Variants in CATSPERE observed in about 807,000 individuals in gnomAD.
CATSPERE encodes the protein catsper channel auxiliary subunit epsilon, also known as cation channel sperm-associated auxiliary subunit epsilon.
Under a neutral mutation model 114.1 loss-of-function variants are expected in CATSPERE, and 93 were observed. The ratio of observed to expected loss-of-function variants is 0.81; its 90% confidence interval spans 0.69 to 0.97. The LOEUF (loss-of-function observed/expected upper bound fraction) is 0.97, where lower values mean the gene tolerates loss of function less well. Ranked by LOEUF, CATSPERE falls within the 50% of genes least tolerant of loss-of-function variation. The probability of loss-of-function intolerance (pLI) is 0.00; values close to 1 mark genes in which losing one functional copy is unlikely to be tolerated. For missense variants in CATSPERE, 1,058 were observed against 1,131.6 expected (o/e 0.93, Z 0.93); for synonymous variants, 341 against 384.1 (o/e 0.89, Z 1.31).
intron 8 of CATSPERE, among the ~76,000 whole-genome samples, chr1:244,523,354 T>C (rs1238642360): frequency 6.9e-6 from 1 of 144,272 alleles, no homozygotes; most frequent in East Asian, 1.9e-4. Context: ...ATAAGAGCTA[T>C]CTATGACAAA....
intron 15 of CATSPERE, among the ~76,000 whole-genome samples, chr1:244,592,835 C>T (rs1357055082): frequency 2.6e-5 from 4 of 152,184 alleles, no homozygotes; most frequent in Middle Eastern, 3.4e-3. Context: ...TCCCCTGCAA[C>T]GTGGTAACAT....
At chr1:244,451,744 G>A (rs1410405172), upstream of CATSPERE, 1 of 1,605,616 alleles carries the variant, frequency 6.2e-7, no homozygotes, top group Non-Finnish European at 8.5e-7. This position sits in a 1 kb window ranked among gnomAD's most constrained non-coding sequence, Gnocchi z 6.6. Context: ...GTTTCCTCCG[G>A]GCCGCGCCCT....
chr1:244,591,848 G>A, intron 15 of CATSPERE, 117 bp downstream of exon 15: 1 of 649,954 alleles, frequency 1.5e-6, no homozygotes, highest in South Asian at 1.9e-5. Flanking sequence ...TTGACACTGT[G>A]CAGTCAGTTT....
chr1:244,485,986 T>A (rs76011314), intron 5 of CATSPERE, among the ~76,000 whole-genome samples: 10,348 of 152,068 alleles, frequency 0.068, 552 homozygotes, highest in East Asian at 0.2. Context: ...ACCAGGCCTC[T>A]ATCTAAATTT....
At chr1:244,565,341 A>AC in intron 10 of CATSPERE, among the ~76,000 whole-genome samples, 1 of 151,802 alleles carries the variant, frequency 6.6e-6, no homozygotes, top group East Asian at 1.9e-4. Context: ...TCCTCTTTGT[A>AC]CCTCCGGTAG....
chr1:244,625,430 A>ATTTTTTT (rs1476267922), intron 20 of CATSPERE, among the ~76,000 whole-genome samples: 1 of 4,342 alleles, frequency 2.3e-4, no homozygotes, highest in Non-Finnish European at 5.0e-4. Context: ...ATATATATAT[A>ATTTTTTT]TATTTTTTTT....
intron 10 of CATSPERE, among the ~76,000 whole-genome samples, chr1:244,566,732 ATGTG>A (rs1663621101): frequency 7.5e-6 from 1 of 133,718 alleles, no homozygotes; most frequent in South Asian, 2.5e-4. Flanking sequence ...CTTTGAGCCT[ATGTG>A]TGTCTTTGCA....
At chr1:244,605,302 C>T (rs187901521) in intron 17 of CATSPERE, among the ~76,000 whole-genome samples, 2 of 152,316 alleles carry the variant, frequency 1.3e-5, no homozygotes, top group East Asian at 3.9e-4. Flanking sequence ...GTCTTTCTCC[C>T]TGCTAACACC....
At chr1:244,609,722 C>A (rs1558587770) in intron 18 of CATSPERE, among the ~76,000 whole-genome samples, 1 of 152,250 alleles carries the variant, frequency 6.6e-6, no homozygotes, top group East Asian at 1.9e-4. Context: ...CACAACTGTT[C>A]ATGTGAAACA....
intron 18 of CATSPERE, among the ~76,000 whole-genome samples, chr1:244,609,511 C>T (rs1558587439): frequency 6.6e-6 from 1 of 151,984 alleles, no homozygotes; most frequent in Non-Finnish European, 1.5e-5. Flanking sequence ...CCACCACACC[C>T]AGCTAATTTT....
intron 2 of CATSPERE, among the ~76,000 whole-genome samples, chr1:244,465,906 A>G (rs1667531724): frequency 6.6e-6 from 1 of 152,192 alleles, no homozygotes; most frequent in Non-Finnish European, 1.5e-5. Flanking sequence ...TCCTAACTTT[A>G]GTAGATTTCT....
In CATSPERE at chr1:244,560,822, A is replaced by C. The variant is rs752159421; in HGVS notation, c.1184A>C (p.Glu395Ala). 1.2e-6 allele frequency: 2 copies of C among 1,614,102 alleles called. No individual in the cohort carries two copies. The highest frequency in any genetic ancestry group is 1.7e-6 in the Non-Finnish European group (2 of 1,179,990). ...VTATLTIDRV[E>A]YTGHPLEIAV... ...GCTACTCTGACCATAGACAGGGTTG[A>C]GTATACAGGACACCCTCTGGAGATT... The change falls in exon 10 of 22, where the codon GAG becomes GCG. Residue 395 changes from glutamate (E) to alanine (A), a missense_variant. Around this residue, in one of 2 missense-constraint regions of CATSPERE, gnomAD observed 787 missense variants for 905.6 expected, o/e 0.87. Coordinates refer to ENST00000366534, the MANE Select transcript of CATSPERE (RefSeq NM_001130957.2).
chr1:244,467,343 A>C lies in CATSPERE; in HGVS notation c.114+3387A>C, dbSNP rs543252253. 1.8e-4 allele frequency among the ~76,000 whole-genome samples: 28 copies of C among 152,342 alleles called. No homozygotes were observed. In the South Asian group the frequency reaches 5.6e-3, roughly 30 times the overall value. ...GAAAAGACCTAAGGGGATATTTCAC[A>C]AAAAAGGATGTACAAATGACCAGCA... On this transcript the variant is annotated intron_variant, in intron 2 of 21. Coordinates refer to ENST00000366534, the MANE Select transcript of CATSPERE (RefSeq NM_001130957.2).
chr1:244,490,556 G>T (rs947892244), intron 6 of CATSPERE, 85 bp downstream of exon 6: 3 of 866,060 alleles, frequency 3.5e-6, no homozygotes, highest in Admixed American at 4.8e-5. Flanking sequence ...ACCAGATGAG[G>T]AATTTTTCAA....
rs1283376993 is a variant in CATSPERE, at chr1:244,605,871, C to T, written c.2403+77C>T. On this transcript the variant is annotated intron_variant, in intron 18 of 21. Coordinates refer to ENST00000366534, the MANE Select transcript of CATSPERE (RefSeq NM_001130957.2). ...TTCCTGTTTTAAATTTATAAATAAG[C>T]GATCTAAGGAAAATAGAATAAGGCA... is the stretch of plus-strand genomic sequence containing the variant. The T allele has an allele frequency of 1.6e-5, 16 of 992,442 alleles. No individual in the cohort carries two copies. In the East Asian group the frequency reaches 2.1e-4, roughly 13 times the overall value. 61.5% of individuals were successfully genotyped at this position (992,442 alleles called of 1,614,324 possible). A position where few individuals can be genotyped will look rare whatever the true frequency, so the allele number is the denominator to read the frequency against.
At chr1:244,489,675 C>T (rs1203634221) in intron 5 of CATSPERE, among the ~76,000 whole-genome samples, 1 of 151,650 alleles carries the variant, frequency 6.6e-6, no homozygotes, top group Non-Finnish European at 1.5e-5. Context: ...AATAATGAAC[C>T]CTCTGGAGGC....
intron 8 of CATSPERE, among the ~76,000 whole-genome samples, chr1:244,542,870 C>T (rs1243971253): frequency 3.3e-5 from 5 of 152,154 alleles, no homozygotes; most frequent in Non-Finnish European, 7.3e-5. Context: ...AAAAGTGCAG[C>T]ATCTCTAATC....
intron 6 of CATSPERE, among the ~76,000 whole-genome samples, chr1:244,494,379 A>G (rs1385202439): frequency 1.4e-5 from 2 of 145,096 alleles, no homozygotes; most frequent in Non-Finnish European, 1.5e-5. Context: ...GCATATTCTC[A>G]CTCATAGGTG....
At chr1:244,484,429 C>A (rs1572327999) in intron 5 of CATSPERE, among the ~76,000 whole-genome samples, 1 of 152,218 alleles carries the variant, frequency 6.6e-6, no homozygotes, top group African/African-American at 2.4e-5. Context: ...GGACATGAAC[C>A]AGTAACAACT....
Sources: gnomAD v4.1 joint callset for allele counts (sites outside exome capture counted in the v4.1 genomes callset) on GRCh38, gnomAD v4.1.1 for gene constraint, gnomAD v4.1.1 regional missense constraint, Gnocchi (gnomAD v3.1) non-coding constraint, MANE v1.5 for transcripts, NCBI Gene and HGNC (gene_info 2026-07-23, HGNC 2026-07-21) for gene names.